The following CRYBB2 variants were observed in gnomAD, a reference collection of about 807,000 sequenced individuals.
CRYBB2 encodes crystallin beta B2, also known as beta-crystallin B2.
Under a neutral mutation model 24.3 loss-of-function variants are expected in CRYBB2, and 12 were observed. The ratio of observed to expected loss-of-function variants is 0.49; its 90% CI spans 0.32 to 0.80. The LOEUF is 0.80. CRYBB2 is among the 30% of genes least tolerant of loss of function. The pLI is 0.04. For synonymous variants in CRYBB2, 98 were observed against 101.6 expected (o/e 0.96, Z 0.21); for missense variants, 198 against 268.5 (o/e 0.74, Z 1.83).
upstream of CRYBB2, among the ~76,000 whole-genome samples, chr22:25,218,768 AG>A (rs1569016172): frequency 2.1e-3 from 82 of 38,982 alleles, no homozygotes; most frequent in East Asian, 4.2e-3. Flanking sequence ...AGAGAGAGAG[AG>A]AGAGAGAGAG....
In CRYBB2 at chr22:25,229,474, C is replaced by A; in HGVS notation, c.345C>A (p.Pro115=). 3.7e-6 allele frequency: 6 copies of A among 1,613,198 alleles called. No homozygotes were observed. Among genetic ancestry groups the A allele is most frequent in the Non-Finnish European group, 4.2e-6 (5 of 1,179,570 alleles). ...QEHKIILYEN[P]NFTGKKMEII... ...ACAAGATCATCCTCTATGAAAACCC[C>A]AACTTCACCGGGAAGAAGATGGAAA... Residue 115 remains proline (P), a synonymous_variant, in exon 5 of 6, where the codon CCC becomes CCA. Transcript: ENST00000398215.
At position 25,231,776 on chromosome 22, in the gene CRYBB2, C is replaced by T. The variant is rs576969090; in HGVS notation, c.*4C>T. On this transcript the variant is annotated 3_prime_UTR_variant, in exon 6 of 6. Transcript: ENST00000398215. ...TGCCTTCCACCCCTCCAACTAGTGC[C>T]CTCCCCACCATGCCTCCTTCCCAGG... The T allele has an allele frequency of 3.8e-5, 61 of 1,613,938 alleles. No individual in the cohort carries two copies. The East Asian group carries it at 1.1e-3, about 29-fold the overall frequency.
intron 1 of CRYBB2, among the ~76,000 whole-genome samples, chr22:25,220,238 C>T (rs530949399): frequency 9.2e-5 from 14 of 152,288 alleles, no homozygotes; most frequent in South Asian, 2.1e-4. Flanking sequence ...TCTGGGACCA[C>T]GGCCAAGTGC....
chr22:25,214,381 T>G (rs1252761725), intron 1 of CRYBB2, among the ~76,000 whole-genome samples: 1 of 152,180 alleles, frequency 6.6e-6, no homozygotes, highest in Non-Finnish European at 1.5e-5. Context: ...TAGGAACCTA[T>G]GGGCTGTAAG....
At chr22:25,224,703 G>A (rs1284892037) in intron 2 of CRYBB2, among the ~76,000 whole-genome samples, 1 of 152,122 alleles carries the variant, frequency 6.6e-6, no homozygotes, top group African/African-American at 2.4e-5. Context: ...TTTACAGACG[G>A]GGAGACTGAC....
At chr22:25,230,218 A>G (rs1935507108) in intron 5 of CRYBB2, among the ~76,000 whole-genome samples, 1 of 149,400 alleles carries the variant, frequency 6.7e-6, no homozygotes, top group Non-Finnish European at 1.5e-5. Flanking sequence ...GTGCAGTGGA[A>G]TGATCTTGGC....
intron 3 of CRYBB2, among the ~76,000 whole-genome samples, chr22:25,226,899 A>G (rs1304949993): frequency 6.6e-6 from 1 of 152,156 alleles, no homozygotes; most frequent in African/African-American, 2.4e-5. Context: ...ATCTCGAGCT[A>G]CTGACCTCAG....
At chr22:25,214,299 C>T (rs1201198361) in intron 1 of CRYBB2, among the ~76,000 whole-genome samples, 1 of 152,222 alleles carries the variant, frequency 6.6e-6, no homozygotes. Context: ...GATAGCACCA[C>T]CATGCTCCAG....
upstream of CRYBB2, among the ~76,000 whole-genome samples, chr22:25,218,827 AAAG>A (rs1356747087): frequency 3.4e-5 from 4 of 119,064 alleles, no homozygotes; most frequent in African/African-American, 1.5e-4. Context: ...AGAAAGAAAG[AAAG>A]AAAGAAAGAG....
chr22:25,228,991 G>T (rs953581731), intron 4 of CRYBB2, among the ~76,000 whole-genome samples: 10 of 149,128 alleles, frequency 6.7e-5, no homozygotes, highest in South Asian at 2.1e-4. Context: ...CGCATGTGTG[G>T]GTGTGCGTGT....
upstream of CRYBB2, among the ~76,000 whole-genome samples, chr22:25,218,347 C>G (rs960210423): frequency 2.5e-4 from 37 of 150,872 alleles, no homozygotes; most frequent in African/African-American, 8.0e-4. Flanking sequence ...CTAAGAGCAA[C>G]TCACTCTAGG....
At chr22:25,221,048 C>T (rs565435133) in intron 1 of CRYBB2, among the ~76,000 whole-genome samples, 6 of 152,218 alleles carry the variant, frequency 3.9e-5, no homozygotes, top group Non-Finnish European at 8.8e-5. Context: ...TAAGAAATTA[C>T]TGCATAAAGG....
chr22:25,219,992 A>G (rs1251905545), intron 1 of CRYBB2, among the ~76,000 whole-genome samples: 1 of 152,114 alleles, frequency 6.6e-6, no homozygotes, highest in Non-Finnish European at 1.5e-5. Context: ...GGGTTTTGCA[A>G]GAATCAAACC....
rs138071614 is a variant in CRYBB2, at chr22:25,231,661, A to G, written c.507A>G (p.Gly169=). Residue 169 remains glycine (G), a synonymous_variant, in exon 6 of 6, where the codon GGA becomes GGG. Transcript: ENST00000398215. Reference sequence around the variant, plus strand: ...GGCTGCAGTACCTGCTGGAGAAGGGAGACTACAAGGACAGCAGCGACTTTG... The same window carrying G: ...GGCTGCAGTACCTGCTGGAGAAGGGGGACTACAAGGACAGCAGCGACTTTG... The part of the protein sequence containing the change: ...YRGLQYLLEK[G]DYKDSSDFGA... 10 of 1,614,094 alleles carry G rather than the reference A, an allele frequency of 6.2e-6. No individual in the cohort carries two copies. The highest frequency in any genetic ancestry group is 1.7e-5 in the Admixed American group (1 of 60,016).
chr22:25,225,943 T>C (rs150014437), intron 3 of CRYBB2, among the ~76,000 whole-genome samples: 2 of 152,336 alleles, frequency 1.3e-5, no homozygotes, highest in Non-Finnish European at 2.9e-5. Flanking sequence ...AAGCACCACA[T>C]CTGACTTTCA....
intron 5 of CRYBB2, among the ~76,000 whole-genome samples, chr22:25,231,199 C>G (rs954628471): frequency 4.6e-5 from 7 of 152,148 alleles, no homozygotes; most frequent in African/African-American, 1.7e-4. Flanking sequence ...GGAACCTCCC[C>G]CAACTCTTCT....
intron 1 of CRYBB2, among the ~76,000 whole-genome samples, chr22:25,220,022 T>TTCTA (rs1935292423): frequency 6.6e-6 from 1 of 152,074 alleles, no homozygotes; most frequent in African/African-American, 2.4e-5. Context: ...TCAGCATTGT[T>TTCTA]TCTAGGTGGG....
At chr22:25,212,451 C>T (rs1208696767), upstream of CRYBB2, among the ~76,000 whole-genome samples, 1 of 152,324 alleles carries the variant, frequency 6.6e-6, no homozygotes, top group Middle Eastern at 3.4e-3. Flanking sequence ...GGAGAGCTGG[C>T]TCTGTGGTCA....
At chr22:25,221,509 A>T in intron 2 of CRYBB2, 26 bp downstream of exon 2, 1 of 1,571,904 alleles carries the variant, frequency 6.4e-7, no homozygotes, top group East Asian at 2.2e-5. Context: ...AGGAGGGGGC[A>T]TGCAATGCTC....
Sources: gnomAD v4.1 joint callset for allele counts (sites outside exome capture counted in the v4.1 genomes callset) on GRCh38, gnomAD v4.1.1 for gene constraint, MANE v1.5 for transcripts, NCBI Gene and HGNC (gene_info 2026-07-23, HGNC 2026-07-21) for gene names.